The following CASR variants were observed in gnomAD, a reference collection of about 807,000 sequenced individuals.
CASR encodes the protein calcium sensing receptor, also known as extracellular calcium-sensing receptor.
In CASR, 23 loss-of-function variants were observed where a neutral mutation model predicts 69.1. The observed-to-expected ratio is 0.33, with a 90% CI of 0.24 to 0.47. The LOEUF (loss-of-function observed/expected upper bound fraction) is 0.47, where lower values mean the gene tolerates loss of function less well. Among genes scored for constraint, CASR ranks in the 20% least tolerant of loss-of-function variants. The probability of loss-of-function intolerance (pLI) is 1.00; values close to 1 mark genes in which losing one functional copy is unlikely to be tolerated. For missense variants in CASR, 924 were observed against 1,356.1 expected (o/e 0.68, Z 5.00); for synonymous variants, 541 against 544.7 (o/e 0.99, Z 0.10).
At chr3:122,255,481 T>C (rs1169294796) in intron 2 of CASR, among the ~76,000 whole-genome samples, 1 of 152,224 alleles carries the variant, frequency 6.6e-6, no homozygotes, top group East Asian at 1.9e-4. Flanking sequence ...ATGCAGGAAA[T>C]CTAAGTGCAG....
At chr3:122,277,897 T>C (rs940605330) in intron 5 of CASR, among the ~76,000 whole-genome samples, 2 of 152,218 alleles carry the variant, frequency 1.3e-5, no homozygotes, top group African/African-American at 4.8e-5. Context: ...GGAATTCTCA[T>C]TAATTCAGTC....
At chr3:122,202,457 G>A (rs923947897) in intron 1 of CASR, among the ~76,000 whole-genome samples, 4 of 150,666 alleles carry the variant, frequency 2.7e-5, no homozygotes, top group Non-Finnish European at 5.9e-5. Context: ...GGGAGACCAT[G>A]GGGAGAGGGA....
intron 1 of CASR, among the ~76,000 whole-genome samples, chr3:122,211,802 T>C (rs1218642717): frequency 1.4e-5 from 1 of 70,558 alleles, no homozygotes; most frequent in African/African-American, 4.5e-5. Flanking sequence ...CCAATAAACA[T>C]GAAAAAAAGT....
At chr3:122,214,841 G>C (rs2074101437) in intron 1 of CASR, among the ~76,000 whole-genome samples, 1 of 152,034 alleles carries the variant, frequency 6.6e-6, no homozygotes, top group South Asian at 2.1e-4. Flanking sequence ...TCATAGCACA[G>C]TATTTTTTCA....
chr3:122,245,316 A>G (rs1294435892), intron 1 of CASR: 1 of 152,226 alleles, frequency 6.6e-6, no homozygotes, highest in Admixed American at 6.5e-5. Flanking sequence ...GACTGAATCC[A>G]TGGCTGCAGA....
At position 122,284,681 on chromosome 3, in the gene CASR, C is replaced by T. The variant is rs1259364724; in HGVS notation, c.2727C>T (p.Thr909=). 6.2e-7 allele frequency: 1 copy of T among 1,613,370 alleles called. No homozygotes were observed. The highest frequency in any genetic ancestry group is 8.5e-7 in the Non-Finnish European group (1 of 1,179,492). The part of the protein sequence containing the change: ...SSSLGGSTGS[T]PSSSISSKSN... ...GCCTTGGAGGCTCCACGGGATCCAC[C>T]CCCTCCTCCTCCATCAGCAGCAAGA... The change falls in exon 7 of 7, where the codon ACC becomes ACT. Residue 909 remains threonine (T), a synonymous_variant. Coordinates refer to ENST00000639785, the MANE Select transcript of CASR (RefSeq NM_000388.4).
chr3:122,289,022 A>C lies in CASR; in HGVS notation c.*3831A>C, dbSNP rs1372424485. 6.6e-6 allele frequency: 1 copy of C among 152,022 alleles called. No homozygotes were observed. Among genetic ancestry groups the C allele is most frequent in the Non-Finnish European group, 1.5e-5 (1 of 68,016 alleles). 9.4% of individuals were successfully genotyped at this position (152,022 alleles called of 1,614,324 possible). A position where few individuals can be genotyped will look rare whatever the true frequency, so the allele number is the denominator to read the frequency against. ...AATTGCATTAATTTTGATTTTGGGG[A>C]AGTTGGGGCTACCCTACCTCTGTCT... On this transcript the variant is annotated 3_prime_UTR_variant, in exon 7 of 7. Coordinates refer to ENST00000639785, the MANE Select transcript of CASR (RefSeq NM_000388.4).
At chr3:122,199,658 A>G (rs551533163) in intron 1 of CASR, among the ~76,000 whole-genome samples, 5 of 152,316 alleles carry the variant, frequency 3.3e-5, no homozygotes, top group Admixed American at 3.3e-4. Context: ...AAAAAAACAC[A>G]TATATTACCA....
chr3:122,203,486 A>C (rs1247475415), intron 1 of CASR, among the ~76,000 whole-genome samples: 1 of 152,230 alleles, frequency 6.6e-6, no homozygotes, highest in Non-Finnish European at 1.5e-5. Flanking sequence ...TCTTGTGGGC[A>C]GTTGTAACAC....
chr3:122,248,398 G>T (rs940953115), intron 1 of CASR, among the ~76,000 whole-genome samples: 8 of 152,072 alleles, frequency 5.3e-5, no homozygotes, highest in Non-Finnish European at 1.2e-4. Flanking sequence ...TATTTTTCCT[G>T]TTCACCCTCA....
At chr3:122,278,781 G>A (rs529230620) in intron 5 of CASR, among the ~76,000 whole-genome samples, 51 of 152,244 alleles carry the variant, frequency 3.3e-4, no homozygotes, top group African/African-American at 1.2e-3. Context: ...TGACCTGAGC[G>A]CGAATCTCAG....
intron 1 of CASR, among the ~76,000 whole-genome samples, chr3:122,193,428 G>GCCAGGC (rs879505174): frequency 9.9e-5 from 15 of 152,132 alleles, no homozygotes; most frequent in Middle Eastern, 3.4e-3. Flanking sequence ...TGTTGGCCAG[G>GCCAGGC]CTGGTCTCAA....
Position 122,231,477 on chromosome 3 carries a change from T to C in CASR, c.-242-22471T>C, listed in dbSNP as rs188198546. On this transcript the variant is annotated intron_variant, in intron 1 of 6. Coordinates refer to ENST00000639785, the MANE Select transcript of CASR (RefSeq NM_000388.4). ...ATGCTAAATTCTTACAAGTATTGTTTTAATATAATCCTTACAGCAACCGTA... is the reference window on the plus strand; with the variant it reads ...ATGCTAAATTCTTACAAGTATTGTTCTAATATAATCCTTACAGCAACCGTA... 1.3e-3 allele frequency among the ~76,000 whole-genome samples: 199 copies of C among 152,362 alleles called. 5 individuals are homozygous for C. Among genetic ancestry groups the C allele is most frequent in the Admixed American group, 0.012 (190 of 15,310 alleles).
rs141880581 is a variant in CASR at position 122,254,216 on chromosome 3, C to T, written c.27C>T (p.Val9=). 32 of 1,613,346 alleles carry T rather than the reference C, an allele frequency of 2.0e-5. No homozygotes were observed. The African/African-American group carries it at 4.1e-4, about 21-fold the overall frequency. MAFYSCCW[V]LLALTWHTSA... ...TGGCATTTTATAGCTGCTGCTGGGTCCTCTTGGCACTCACCTGGCACACCT... is the reference window on the plus strand; with the variant it reads ...TGGCATTTTATAGCTGCTGCTGGGTTCTCTTGGCACTCACCTGGCACACCT... Residue 9 remains valine (V), a synonymous_variant, in exon 2 of 7, where the codon GTC becomes GTT. Transcript: ENST00000639785.
rs1189400552 is a variant in CASR, at chr3:122,285,943, T to A, written c.*752T>A. 6.5e-6 allele frequency: 1 copy of A among 152,898 alleles called. No homozygotes were observed. Among genetic ancestry groups the A allele is most frequent in the East Asian group, 1.9e-4 (1 of 5,204 alleles). 9.5% of individuals were successfully genotyped at this position (152,898 alleles called of 1,614,324 possible). ...GTAATAGTCCATGGACAATATAAACTGAAAAATGTCAGTCTGGTTTATATA... is the reference window on the plus strand; with the variant it reads ...GTAATAGTCCATGGACAATATAAACAGAAAAATGTCAGTCTGGTTTATATA... On this transcript the variant is annotated 3_prime_UTR_variant, in exon 7 of 7. Coordinates refer to ENST00000639785, the MANE Select transcript of CASR (RefSeq NM_000388.4).
At chr3:122,271,667 A>C (rs1367495419) in intron 4 of CASR, among the ~76,000 whole-genome samples, 1 of 152,228 alleles carries the variant, frequency 6.6e-6, no homozygotes, top group Non-Finnish European at 1.5e-5. Context: ...CTTTTAATAC[A>C]TTCACAGTTA....
intron 1 of CASR, among the ~76,000 whole-genome samples, chr3:122,235,200 G>A (rs1200784706): frequency 2.0e-5 from 3 of 152,152 alleles, no homozygotes; most frequent in Non-Finnish European, 4.4e-5. Context: ...ATTTAAAAAG[G>A]GAATTAATAA....
chr3:122,291,483 A>G lies in CASR; in HGVS notation c.*6292A>G, dbSNP rs1315182226. On this transcript the variant is annotated 3_prime_UTR_variant, in exon 7 of 7. Coordinates refer to ENST00000639785, the MANE Select transcript of CASR (RefSeq NM_000388.4). ...ATTTGCATTTCTCTGATGGCCAGTG[A>G]TGATGAGCATTATAAATGAAGATTG... 2 of 152,202 alleles carry G rather than the reference A, an allele frequency of 1.3e-5. No individual in the cohort carries two copies. Among genetic ancestry groups the G allele is most frequent in the Non-Finnish European group, 2.9e-5 (2 of 68,030 alleles). The allele number at this position is 152,202 out of a possible 1,614,324, so 9.4% of individuals were successfully genotyped here. A position where few individuals can be genotyped will look rare whatever the true frequency, so the allele number is the denominator to read the frequency against.
intron 1 of CASR, among the ~76,000 whole-genome samples, chr3:122,191,573 A>G (rs2073840489): frequency 6.6e-6 from 1 of 152,130 alleles, no homozygotes; most frequent in Non-Finnish European, 1.5e-5. Flanking sequence ...CAGCCTCCCA[A>G]AGTGCTGGGA....
Sources: allele counts gnomAD v4.1 joint callset (sites outside exome capture counted in the v4.1 genomes callset), GRCh38; gene constraint gnomAD v4.1.1; transcripts MANE v1.5; gene names NCBI Gene and HGNC (gene_info 2026-07-23, HGNC 2026-07-21).